The following NRXN3 variants were observed in gnomAD, a reference collection of about 807,000 sequenced individuals.
NRXN3 encodes the protein neurexin III.
In NRXN3, 32 loss-of-function variants were observed where a neutral mutation model predicts 137.6. The observed-to-expected ratio is 0.23, with a 90% CI of 0.18 to 0.31. The LOEUF (loss-of-function observed/expected upper bound fraction) is 0.31. Among genes scored for constraint, NRXN3 ranks in the 10% least tolerant of loss-of-function variants. The probability of loss-of-function intolerance (pLI) is 1.00; values close to 1 mark genes in which losing one functional copy is unlikely to be tolerated. For missense variants in NRXN3, 1,574 were observed against 2,062.5 expected (o/e 0.76, Z 4.59); for synonymous variants, 798 against 784.5 (o/e 1.02, Z -0.29).
intron 4 of NRXN3, among the ~76,000 whole-genome samples, chr14:78,308,481 C>T (rs1454010654): frequency 6.6e-6 from 1 of 152,094 alleles, no homozygotes; most frequent in Non-Finnish European, 1.5e-5. Context: ...TGTACTTTGA[C>T]CTCCTTAGGA....
chr14:78,306,191 A>T (rs2077353955), intron 4 of NRXN3, among the ~76,000 whole-genome samples: 1 of 152,168 alleles, frequency 6.6e-6, no homozygotes, highest in African/African-American at 2.4e-5. Context: ...ATTATTTCTC[A>T]GATTTTGAAA....
At chr14:78,839,529 A>G (rs959661906) in intron 10 of NRXN3, among the ~76,000 whole-genome samples, 3 of 152,194 alleles carry the variant, frequency 2.0e-5, no homozygotes, top group African/African-American at 4.8e-5. Flanking sequence ...CACTGATGAC[A>G]GCACTATCTG....
At chr14:79,457,488 T>C (rs952996669) in intron 15 of NRXN3, among the ~76,000 whole-genome samples, 1 of 152,194 alleles carries the variant, frequency 6.6e-6, no homozygotes, top group Non-Finnish European at 1.5e-5. Context: ...TAAATGATTG[T>C]TTTAGAACAG....
intron 10 of NRXN3, among the ~76,000 whole-genome samples, chr14:78,927,686 A>G (rs1031090391): frequency 7.9e-5 from 12 of 152,174 alleles, no homozygotes; most frequent in African/African-American, 2.7e-4. Context: ...GATTGAGACC[A>G]TTATGATATT....
chr14:79,182,659 G>A (rs1568527009), intron 15 of NRXN3, among the ~76,000 whole-genome samples: 1 of 152,090 alleles, frequency 6.6e-6, no homozygotes, highest in Non-Finnish European at 1.5e-5. Context: ...AGTTTCTAAC[G>A]GGCCACAGAC....
At chr14:78,570,087 A>G (rs2096875801) in intron 4 of NRXN3, among the ~76,000 whole-genome samples, 1 of 152,234 alleles carries the variant, frequency 6.6e-6, no homozygotes, top group South Asian at 2.1e-4. Context: ...TGTCTATGCA[A>G]TGGAATGTTT....
chr14:79,766,522 C>T (rs539313933), intron 19 of NRXN3, among the ~76,000 whole-genome samples: 17 of 152,344 alleles, frequency 1.1e-4, no homozygotes, highest in South Asian at 4.1e-4. Context: ...CTGCTACCTA[C>T]GACCACTGGC....
At chr14:78,682,746 A>C (rs986548639) in intron 6 of NRXN3, among the ~76,000 whole-genome samples, 6 of 152,122 alleles carry the variant, frequency 3.9e-5, no homozygotes. Context: ...TGGGGAAAGA[A>C]TCTAAAGCAC....
At chr14:78,603,590 G>T (rs910894773) in intron 4 of NRXN3, among the ~76,000 whole-genome samples, 4 of 152,208 alleles carry the variant, frequency 2.6e-5, no homozygotes, top group Admixed American at 2.6e-4. Flanking sequence ...TTTCTTGAAA[G>T]ACCTCTAAAC....
At chr14:78,522,286 G>A (rs904757636) in intron 4 of NRXN3, among the ~76,000 whole-genome samples, 5 of 152,142 alleles carry the variant, frequency 3.3e-5, no homozygotes, top group Non-Finnish European at 7.4e-5. Context: ...AAGACACTAA[G>A]TAGCTTGGTA....
intron 16 of NRXN3, among the ~76,000 whole-genome samples, chr14:79,603,412 A>G (rs1438729147): frequency 6.6e-6 from 1 of 152,124 alleles, no homozygotes; most frequent in Non-Finnish European, 1.5e-5. Context: ...GGCCTTATAG[A>G]CCTCTGTGCC....
intron 4 of NRXN3, among the ~76,000 whole-genome samples, chr14:78,347,111 A>G (rs2082842890): frequency 1.3e-5 from 2 of 152,204 alleles, no homozygotes; most frequent in South Asian, 4.1e-4. Context: ...AGCATTTTGA[A>G]AAAGTTTATG....
chr14:79,400,365 A>C (rs1445228629), intron 15 of NRXN3, among the ~76,000 whole-genome samples: 1 of 152,136 alleles, frequency 6.6e-6, no homozygotes, highest in Non-Finnish European at 1.5e-5. Context: ...TAACATTTTA[A>C]ACTACAGTCT....
At chr14:78,272,124 A>G (rs1251201048) in intron 2 of NRXN3, among the ~76,000 whole-genome samples, 1 of 151,878 alleles carries the variant, frequency 6.6e-6, no homozygotes, top group East Asian at 1.9e-4. Flanking sequence ...GCTCAGTGTA[A>G]TCTTTAGTGG....
At chr14:79,031,881 G>A (rs1215553617) in intron 15 of NRXN3, among the ~76,000 whole-genome samples, 1 of 152,070 alleles carries the variant, frequency 6.6e-6, no homozygotes, top group Non-Finnish European at 1.5e-5. Context: ...TTTAAACGTG[G>A]TGCAGGAAAA....
chr14:78,773,566 T>G (rs1294989779), intron 8 of NRXN3, among the ~76,000 whole-genome samples: 2 of 152,160 alleles, frequency 1.3e-5, no homozygotes, highest in Non-Finnish European at 2.9e-5. Context: ...CTTTATTTAA[T>G]TTTTAATTTT....
chr14:78,675,927 G>C (rs2098000162), intron 6 of NRXN3, among the ~76,000 whole-genome samples: 1 of 152,030 alleles, frequency 6.6e-6, no homozygotes, highest in Admixed American at 6.6e-5. Flanking sequence ...TTTGTCAATG[G>C]TAATCTATGA....
chr14:78,525,525 C>T (rs2096365093), intron 4 of NRXN3, among the ~76,000 whole-genome samples: 1 of 152,210 alleles, frequency 6.6e-6, no homozygotes, highest in Non-Finnish European at 1.5e-5. Flanking sequence ...TAGACCCAGC[C>T]CTATCTGTGC....
chr14:78,434,098 A>G (rs2093982112), intron 4 of NRXN3, among the ~76,000 whole-genome samples: 1 of 152,192 alleles, frequency 6.6e-6, no homozygotes, highest in Non-Finnish European at 1.5e-5. Context: ...TTTACAGTAA[A>G]ATGTTGAATA....
Sources: allele counts gnomAD v4.1 joint callset (sites outside exome capture counted in the v4.1 genomes callset), GRCh38; gene constraint gnomAD v4.1.1; transcripts MANE v1.5; gene names NCBI Gene and HGNC (gene_info 2026-07-23, HGNC 2026-07-21).